ATP8B4: variants seen among roughly 807,000 people sequenced by gnomAD.
The protein encoded by ATP8B4 is probable phospholipid-transporting ATPase IM.
A neutral mutation model predicts 145.6 loss-of-function variants in ATP8B4; 133 were observed. The ratio of observed to expected loss-of-function variants is 0.91; its 90% CI spans 0.79 to 1.05. The LOEUF (loss-of-function observed/expected upper bound fraction) is 1.05, where lower values mean the gene tolerates loss of function less well. Among genes scored for constraint, ATP8B4 ranks in the 50% least tolerant of loss-of-function variants. The probability of loss-of-function intolerance (pLI) is 0.00; values close to 1 mark genes in which losing one functional copy is unlikely to be tolerated. For synonymous variants in ATP8B4, 507 were observed against 492.9 expected (o/e 1.03, Z -0.38); for missense variants, 1,458 against 1,425.2 (o/e 1.02, Z -0.37).
chr15:50,016,759 A>G (rs2049122314), intron 6 of ATP8B4, among the ~76,000 whole-genome samples: 1 of 152,224 alleles, frequency 6.6e-6, no homozygotes, highest in Non-Finnish European at 1.5e-5. Context: ...GAGGACTGCC[A>G]GCTGAAGGTT....
Position 49,996,658 on chromosome 15 carries a change from ATC to A in ATP8B4, c.589+17_589+18del, listed in dbSNP as rs1567167057. 1.3e-6 allele frequency: 2 copies of A among 1,551,648 alleles called. No homozygotes were observed. The highest frequency in any genetic ancestry group is 8.8e-7 in the Non-Finnish European group (1 of 1,132,926). ...TTGGGTTTGAGGTTTTTGTTTGTTT[ATC>A]TGTTTAAAATACTTACCATCAAACC... On this transcript the variant is annotated intron_variant, in intron 9 of 27. Transcript: ENST00000284509.
At chr15:50,119,463 A>C (rs1340284617), upstream of ATP8B4, 1 of 152,302 alleles carries the variant, frequency 6.6e-6, no homozygotes, top group Non-Finnish European at 1.5e-5. Flanking sequence ...AAATGCTGAA[A>C]GCCCTGAAGA....
intron 8 of ATP8B4, among the ~76,000 whole-genome samples, chr15:49,999,156 T>C (rs1200910788): frequency 6.6e-6 from 1 of 152,014 alleles, no homozygotes; most frequent in African/African-American, 2.4e-5. Context: ...AATGATAGAT[T>C]GGATTAAGAA....
chr15:49,998,785 C>T (rs62021041), intron 8 of ATP8B4, among the ~76,000 whole-genome samples: 4 of 152,192 alleles, frequency 2.6e-5, no homozygotes, highest in Admixed American at 2.0e-4. Flanking sequence ...TGCCATTGCT[C>T]TTGGTGTTTT....
At chr15:50,102,813 T>C (rs1429132310) in intron 2 of ATP8B4, among the ~76,000 whole-genome samples, 1 of 149,770 alleles carries the variant, frequency 6.7e-6, no homozygotes, top group East Asian at 2.0e-4. Flanking sequence ...CAGAACAATA[T>C]CCTTTATGAA....
chr15:49,901,321 G>A, intron 20 of ATP8B4, 82 bp from the exon 21 acceptor site: 1 of 1,411,984 alleles, frequency 7.1e-7, no homozygotes, highest in South Asian at 1.4e-5. Context: ...TTGCCTAGAG[G>A]TAAATTTATT....
intron 10 of ATP8B4, among the ~76,000 whole-genome samples, chr15:49,985,810 T>A (rs2046554878): frequency 6.6e-6 from 1 of 152,148 alleles, no homozygotes. Flanking sequence ...TTGTCAAGCA[T>A]CCTTTTCCGT....
intron 1 of ATP8B4, among the ~76,000 whole-genome samples, chr15:50,153,559 G>C (rs549496750): frequency 6.6e-6 from 1 of 152,038 alleles, no homozygotes; most frequent in Middle Eastern, 3.2e-3. Flanking sequence ...GGATAGTCTC[G>C]ATCTCCTGAC....
At chr15:49,989,389 A>C (rs1419712940) in intron 9 of ATP8B4, among the ~76,000 whole-genome samples, 1 of 151,794 alleles carries the variant, frequency 6.6e-6, no homozygotes, top group Non-Finnish European at 1.5e-5. Flanking sequence ...TCTTGACCCA[A>C]GACTCAATTT....
At chr15:50,127,405 G>C (rs2057314650) in intron 1 of ATP8B4, among the ~76,000 whole-genome samples, 1 of 152,190 alleles carries the variant, frequency 6.6e-6, no homozygotes, top group South Asian at 2.1e-4. Context: ...ACTGTGACTT[G>C]GGCTTCCATT....
chr15:50,054,607 C>T (rs1460759242), intron 3 of ATP8B4, among the ~76,000 whole-genome samples: 1 of 151,830 alleles, frequency 6.6e-6, no homozygotes, highest in African/African-American at 2.4e-5. Context: ...CATGGTGAAA[C>T]CCCATCTCTA....
chr15:49,933,885 G>A (rs746636604), intron 15 of ATP8B4, 132 bp downstream of exon 15: 13 of 965,026 alleles, frequency 1.3e-5, no homozygotes, highest in Non-Finnish European at 1.7e-5. Context: ...CAGTTTCTGT[G>A]TTAAAAAACA....
chr15:49,962,877 A>G (rs1170928492), intron 13 of ATP8B4, among the ~76,000 whole-genome samples: 1 of 151,990 alleles, frequency 6.6e-6, no homozygotes, highest in East Asian at 1.9e-4. Flanking sequence ...AATTTTTTAA[A>G]TTTTTACTTG....
intron 25 of ATP8B4, among the ~76,000 whole-genome samples, chr15:49,866,836 T>C (rs1366145138): frequency 1.3e-5 from 2 of 152,232 alleles, no homozygotes; most frequent in East Asian, 3.8e-4. Flanking sequence ...TCTCAAAACT[T>C]TTCTATTGGA....
chr15:50,029,171 T>C (rs909296062), intron 6 of ATP8B4, among the ~76,000 whole-genome samples: 23 of 143,364 alleles, frequency 1.6e-4, no homozygotes, highest in African/African-American at 6.1e-4. Flanking sequence ...AGGTGGAGGT[T>C]GCAGTGAGCT....
intron 3 of ATP8B4, among the ~76,000 whole-genome samples, chr15:50,072,652 C>T (rs569691562): frequency 2.5e-4 from 38 of 151,742 alleles, no homozygotes; most frequent in African/African-American, 8.7e-4. Context: ...GATGGAGTCT[C>T]CCTCTGTCAC....
intron 15 of ATP8B4, 92 bp downstream of exon 15, chr15:49,933,925 T>G: frequency 1.5e-6 from 2 of 1,352,366 alleles, no homozygotes; most frequent in South Asian, 1.8e-5. Context: ...ACTGCTCAAA[T>G]GCTTAATTTG....
intron 2 of ATP8B4, among the ~76,000 whole-genome samples, chr15:50,075,991 G>T (rs746856081): frequency 7.9e-5 from 12 of 152,284 alleles, no homozygotes; most frequent in Non-Finnish European, 1.5e-4. Flanking sequence ...CTGGTATGCT[G>T]CATGTAATTA....
intron 9 of ATP8B4, among the ~76,000 whole-genome samples, chr15:49,989,046 A>T (rs1288787701): frequency 6.6e-6 from 1 of 152,266 alleles, no homozygotes; most frequent in Non-Finnish European, 1.5e-5. Context: ...AGTTTCCCAG[A>T]CATCCCTATT....
Sources: gnomAD v4.1 joint callset for allele counts (sites outside exome capture counted in the v4.1 genomes callset) on GRCh38, gnomAD v4.1.1 for gene constraint, MANE v1.5 for transcripts, NCBI Gene and HGNC (gene_info 2026-07-23, HGNC 2026-07-21) for gene names.